MACROD2: variants seen among roughly 807,000 people sequenced by gnomAD.
MACROD2 encodes mono-ADP ribosylhydrolase 2.
In MACROD2, 36 loss-of-function variants were observed where a neutral mutation model predicts 70.4. The ratio of observed to expected loss-of-function variants is 0.51; its 90% CI spans 0.39 to 0.68. The LOEUF is 0.68. MACROD2 is among the 30% of genes least tolerant of loss of function. MACROD2 has a pLI of 0.00. For synonymous variants in MACROD2, 172 were observed against 178.8 expected (o/e 0.96, Z 0.30); for missense variants, 496 against 538.4 (o/e 0.92, Z 0.78).
chr20:15,215,528 A>C lies in MACROD2; in HGVS notation c.419-14412A>C, dbSNP rs551951810. Among the ~76,000 whole-genome samples the C allele has an allele frequency of 2.0e-5, 3 of 152,176 alleles. No individual in the cohort carries two copies. In the South Asian group the frequency reaches 6.2e-4, roughly 32 times the overall value. On this transcript the variant is annotated intron_variant, in intron 5 of 17. Coordinates refer to ENST00000684519, the MANE Select transcript of MACROD2 (RefSeq NM_001351661.2). The stretch of plus-strand genomic sequence containing the variant: ...TCCCAAGGAATTGATTATTTGCATT[A>C]CAAATAAAACCCTGATGAAAATACA...
chr20:14,345,578 G>A (rs1032180140), intron 3 of MACROD2, among the ~76,000 whole-genome samples: 31 of 151,592 alleles, frequency 2.0e-4, no homozygotes, highest in African/African-American at 5.6e-4. Flanking sequence ...CTACAGGAAC[G>A]CACCACCATG....
Position 14,777,424 on chromosome 20 carries a change from G to A in MACROD2, c.418+92465G>A, listed in dbSNP as rs181940406. On this transcript the variant is annotated intron_variant, in intron 5 of 17. Coordinates refer to ENST00000684519, the MANE Select transcript of MACROD2 (RefSeq NM_001351661.2). The stretch of plus-strand genomic sequence containing the variant: ...GAGAGCAGGACGTGCCCTATGATAT[G>A]TGTATGTGTTAGAGGCTGGAAAGCT... 4.6e-5 allele frequency among the ~76,000 whole-genome samples: 7 copies of A among 152,032 alleles called. No individual in the cohort carries two copies. The East Asian group carries it at 1.4e-3, about 29-fold the overall frequency.
At chr20:15,854,250 G>C in intron 8 of MACROD2, among the ~76,000 whole-genome samples, 1 of 152,186 alleles carries the variant, frequency 6.6e-6, no homozygotes, top group Non-Finnish European at 1.5e-5. Flanking sequence ...GTGGGAGGTA[G>C]AGAAAGTGAT....
At chr20:14,331,839 A>G (rs955163572) in intron 3 of MACROD2, among the ~76,000 whole-genome samples, 1 of 152,110 alleles carries the variant, frequency 6.6e-6, no homozygotes, top group Non-Finnish European at 1.5e-5. Context: ...ACTGTAGTCA[A>G]ATGTCGATGA....
chr20:14,498,763 G>T (rs981805211), intron 4 of MACROD2, among the ~76,000 whole-genome samples: 2 of 152,130 alleles, frequency 1.3e-5, no homozygotes, highest in Non-Finnish European at 2.9e-5. Flanking sequence ...TGTTTAAGAG[G>T]GAATGATTTC....
At chr20:15,086,793 G>A (rs1198950388) in intron 5 of MACROD2, among the ~76,000 whole-genome samples, 1 of 152,060 alleles carries the variant, frequency 6.6e-6, no homozygotes, top group South Asian at 2.1e-4. Flanking sequence ...TTCTGATGAG[G>A]CTTAATTTCA....
At chr20:15,649,544 T>C (rs2049612689) in intron 8 of MACROD2, among the ~76,000 whole-genome samples, 1 of 152,126 alleles carries the variant, frequency 6.6e-6, no homozygotes, top group Admixed American at 6.5e-5. Flanking sequence ...AAAACATCTG[T>C]TTCCAAAATC....
rs150568184 is a variant in MACROD2 at position 15,189,868 on chromosome 20, C to G, written c.419-40072C>G. 1.6e-3 allele frequency among the ~76,000 whole-genome samples: 241 copies of G among 151,900 alleles called. 1 individual carries two copies. The highest frequency in any genetic ancestry group is 5.6e-3 in the African/African-American group (233 of 41,456). ...TTTTTTTTTTCCAACGGTAGAACCT[C>G]CTGGCCTGATCCTATTGAAGAAGAG... On this transcript the variant is annotated intron_variant, in intron 5 of 17. Coordinates refer to ENST00000684519, the MANE Select transcript of MACROD2 (RefSeq NM_001351661.2).
At position 14,225,105 on chromosome 20, in the gene MACROD2, G is replaced by A. The variant is rs578016429; in HGVS notation, c.271+139377G>A. On this transcript the variant is annotated intron_variant, in intron 3 of 17. Transcript: ENST00000684519. ...GACATCTTTAGATCCTATTTATTGG[G>A]TCTTCTTGTTGGTATTTTTTTCTAT... Among the ~76,000 whole-genome samples, 4 of 152,202 alleles carry A rather than the reference G, an allele frequency of 2.6e-5. No individual in the cohort carries two copies. The East Asian group carries it at 7.7e-4, about 29-fold the overall frequency.
chr20:15,366,572 AG>A (rs1316966547), intron 6 of MACROD2, among the ~76,000 whole-genome samples: 1 of 152,196 alleles, frequency 6.6e-6, no homozygotes, highest in Non-Finnish European at 1.5e-5. Flanking sequence ...TTTAATAGAT[AG>A]GGTCTTACTC....
intron 5 of MACROD2, among the ~76,000 whole-genome samples, chr20:15,063,824 G>A (rs2075553076): frequency 6.6e-6 from 1 of 152,088 alleles, no homozygotes. Flanking sequence ...TTCCCTAAGG[G>A]GTGAAAATTA....
At chr20:15,666,415 A>G (rs2049898569) in intron 8 of MACROD2, among the ~76,000 whole-genome samples, 2 of 152,094 alleles carry the variant, frequency 1.3e-5, no homozygotes, top group Admixed American at 1.3e-4. Context: ...TTTTGCACAC[A>G]TGATTATTGT....
At chr20:16,004,059 A>G (rs1190889357) in intron 15 of MACROD2, among the ~76,000 whole-genome samples, 2 of 152,124 alleles carry the variant, frequency 1.3e-5, no homozygotes, top group Non-Finnish European at 2.9e-5. Flanking sequence ...AGCCCTCATT[A>G]TCCAAACCAG....
At chr20:14,186,637 A>G (rs6074704) in intron 3 of MACROD2, among the ~76,000 whole-genome samples, 79,950 of 152,052 alleles carry the variant, frequency 0.53, 22,726 homozygotes, top group Non-Finnish European at 0.62. Context: ...CCAAAAAAAG[A>G]CATTCACTCA....
At chr20:15,542,971 GA>G (rs2047978086) in intron 8 of MACROD2, among the ~76,000 whole-genome samples, 1 of 152,200 alleles carries the variant, frequency 6.6e-6, no homozygotes. Context: ...GGGAAATGAA[GA>G]GGTCCTTTAC....
chr20:15,175,284 G>C (rs912962130), intron 5 of MACROD2, among the ~76,000 whole-genome samples: 3 of 123,268 alleles, frequency 2.4e-5, no homozygotes, highest in Non-Finnish European at 5.0e-5. Context: ...GTTGTGGGGT[G>C]GGGGGAGGGG....
intron 5 of MACROD2, among the ~76,000 whole-genome samples, chr20:15,101,416 A>G (rs886079205): frequency 1.3e-5 from 2 of 151,416 alleles, no homozygotes; most frequent in African/African-American, 2.4e-5. Flanking sequence ...TTAACATGCC[A>G]TTGTAGAATG....
chr20:14,657,898 G>A (rs539625354), intron 4 of MACROD2, among the ~76,000 whole-genome samples: 92 of 151,088 alleles, frequency 6.1e-4, no homozygotes, highest in African/African-American at 2.2e-3. Context: ...ATAAGCAGAT[G>A]TCTTCTAAAA....
At chr20:15,171,104 C>G (rs192491128) in intron 5 of MACROD2, among the ~76,000 whole-genome samples, 1 of 152,148 alleles carries the variant, frequency 6.6e-6, no homozygotes, top group Non-Finnish European at 1.5e-5. Flanking sequence ...GGGGACCTAG[C>G]GTGGAGGAGG....
Sources: allele counts gnomAD v4.1 joint callset (sites outside exome capture counted in the v4.1 genomes callset), GRCh38; gene constraint gnomAD v4.1.1; transcripts MANE v1.5; gene names NCBI Gene and HGNC (gene_info 2026-07-23, HGNC 2026-07-21).